Variants in WDHD1 observed in about 807,000 individuals in gnomAD.
WDHD1 encodes the protein WD repeat and HMG-box DNA binding protein 1.
WDHD1 carries 111 observed loss-of-function variants against 135.4 expected under a neutral mutation model. That is an observed-to-expected ratio of 0.82 (90% CI 0.70 to 0.96). The LOEUF (loss-of-function observed/expected upper bound fraction) is 0.96, where lower values mean the gene tolerates loss of function less well. Ranked by LOEUF, WDHD1 falls within the 40% of genes least tolerant of loss-of-function variation. The pLI is 0.00. For synonymous variants in WDHD1, 434 were observed against 439.0 expected (o/e 0.99, Z 0.14); for missense variants, 1,351 against 1,336.3 (o/e 1.01, Z -0.17).
rs71410642 is a variant in WDHD1 at position 54,972,553 on chromosome 14, C to CAAAAA, written c.2064-5164_2064-5160dup. Among the ~76,000 whole-genome samples, 17 of 25,496 alleles carry CAAAAA rather than the reference C, an allele frequency of 6.7e-4. 3 individuals are homozygous for CAAAAA. Among genetic ancestry groups the CAAAAA allele is most frequent in the East Asian group, 2.1e-3 (2 of 966 alleles). 16.7% of individuals were successfully genotyped at this position (25,496 alleles called of 152,430 possible). On this transcript the variant is annotated intron_variant, in intron 16 of 25. Transcript: ENST00000360586. ...CCTGGGCAATAAAGCAAGACTGTCACAAAAAAAAAAAAAAAAAAAAAAAAA... is the reference window on the plus strand; with the variant it reads ...CCTGGGCAATAAAGCAAGACTGTCACAAAAAAAAAAAAAAAAAAAAAAAAAAAAAA...
chr14:54,984,467 C>T (rs2041666320), intron 15 of WDHD1, among the ~76,000 whole-genome samples: 1 of 152,150 alleles, frequency 6.6e-6, no homozygotes, highest in Non-Finnish European at 1.5e-5. Context: ...TGCACTCCAG[C>T]CTGGACAACA....
chr14:54,992,553 T>A (rs1012433774), intron 11 of WDHD1, among the ~76,000 whole-genome samples: 5 of 152,180 alleles, frequency 3.3e-5, no homozygotes, highest in Admixed American at 2.0e-4. Context: ...AGCTTCTATT[T>A]GCCATTATGA....
chr14:54,946,410 T>C (rs920028624), intron 24 of WDHD1, among the ~76,000 whole-genome samples: 2 of 152,212 alleles, frequency 1.3e-5, no homozygotes, highest in South Asian at 2.1e-4. Context: ...GTTTCAATAG[T>C]GGTAATTCCT....
intron 11 of WDHD1, among the ~76,000 whole-genome samples, chr14:54,995,303 A>G (rs913909191): frequency 6.6e-6 from 1 of 152,136 alleles, no homozygotes; most frequent in Non-Finnish European, 1.5e-5. Context: ...TCAAAGAACC[A>G]GCTTTTGGTC....
At chr14:55,008,012 C>T (rs1319131017) in intron 6 of WDHD1, among the ~76,000 whole-genome samples, 1 of 152,174 alleles carries the variant, frequency 6.6e-6, no homozygotes, top group South Asian at 2.1e-4. Context: ...TAACCCAAGG[C>T]CCAACGCATG....
Position 54,941,667 on chromosome 14 carries a change from T to C in WDHD1, c.3213A>G (p.Gly1071=). 1 of 1,613,708 alleles carries C rather than the reference T, an allele frequency of 6.2e-7. No individual in the cohort carries two copies. Among genetic ancestry groups the C allele is most frequent in the Non-Finnish European group, 8.5e-7 (1 of 1,179,824 alleles). ...CTTCAGTTCCTTCACTTGCCGTTTC[T>C]CCTTTGGCTTTGTTAGCCCACACCT... ...ERKVWANKAK[G]ETASEGTEAK... The change falls in exon 26 of 26, where the codon GGA becomes GGG. Residue 1071 remains glycine, a synonymous_variant. Coordinates refer to ENST00000360586, the MANE Select transcript of WDHD1 (RefSeq NM_007086.4).
chr14:54,988,807 C>A (rs1206397806), intron 13 of WDHD1, among the ~76,000 whole-genome samples: 1 of 150,538 alleles, frequency 6.6e-6, no homozygotes, highest in Non-Finnish European at 1.5e-5. Flanking sequence ...TATGCCATGT[C>A]ATTTTGCTAT....
At chr14:55,006,895 A>T (rs1405584961) in intron 7 of WDHD1, among the ~76,000 whole-genome samples, 1 of 152,150 alleles carries the variant, frequency 6.6e-6, no homozygotes, top group Non-Finnish European at 1.5e-5. Context: ...CTATTTTTAC[A>T]CTCAAAGTTG....
chr14:55,005,202 A>G, intron 7 of WDHD1: 1 of 540,330 alleles, frequency 1.9e-6, no homozygotes, highest in Admixed American at 1.9e-5. Context: ...TTGCTGTTGC[A>G]TGGGATGGTA....
chr14:54,974,117 T>C (rs1341952830), intron 16 of WDHD1, among the ~76,000 whole-genome samples: 1 of 149,446 alleles, frequency 6.7e-6, no homozygotes, highest in African/African-American at 2.4e-5. Flanking sequence ...ATGAAAAACC[T>C]GGTTTACTAA....
At position 54,962,729 on chromosome 14, in the gene WDHD1, G is replaced by A. The variant is rs770571480; in HGVS notation, c.2647+9C>T. 49 of 1,612,644 alleles carry A rather than the reference G, an allele frequency of 3.0e-5. No homozygotes were observed. The highest frequency in any genetic ancestry group is 1.6e-4 in the Middle Eastern group (1 of 6,084). ...TCTCATGATTTATGGGCTTGAAAAT[G>A]TATCTCACCAGGCTTATGTATTTCT... On this transcript the variant is annotated intron_variant, in intron 20 of 25. Transcript: ENST00000360586.
intron 2 of WDHD1, among the ~76,000 whole-genome samples, chr14:55,022,480 T>C (rs1287557915): frequency 2.0e-5 from 3 of 152,006 alleles, no homozygotes; most frequent in Non-Finnish European, 4.4e-5. Context: ...TAAAAACCTG[T>C]TCACCAGCCT....
rs1198428658 is a variant in WDHD1 at position 54,984,715 on chromosome 14, T to A, written c.1906+8A>T. 1.9e-6 allele frequency: 3 copies of A among 1,592,822 alleles called. No individual in the cohort carries two copies. The highest frequency in any genetic ancestry group is 2.6e-6 in the Non-Finnish European group (3 of 1,174,462). On this transcript the variant is annotated splice_region_variant and intron_variant, in intron 15 of 25. Coordinates refer to ENST00000360586, the MANE Select transcript of WDHD1 (RefSeq NM_007086.4). ...TATACTTGTTTTTTTTAAACAAATT[T>A]ATCTTGCCTTCAGCTGAAAACCCAA...
At chr14:55,005,441 C>G in intron 7 of WDHD1, 2 of 570,080 alleles carry the variant, frequency 3.5e-6, no homozygotes, top group African/African-American at 1.9e-5. Flanking sequence ...GGCCTTCGGA[C>G]CAGTATTCCT....
intron 23 of WDHD1, among the ~76,000 whole-genome samples, chr14:54,956,052 C>T (rs748039498): frequency 9.9e-5 from 15 of 151,840 alleles, no homozygotes; most frequent in South Asian, 4.1e-4. Flanking sequence ...CACCTGCCAC[C>T]GCGGCTGGCC....
At position 55,000,672 on chromosome 14, in the gene WDHD1, A is replaced by G; in HGVS notation, c.801-28T>C. On this transcript the variant is annotated intron_variant, in intron 9 of 25. Coordinates refer to ENST00000360586, the MANE Select transcript of WDHD1 (RefSeq NM_007086.4). ...AAAAATTAAAAAGTAGGTTCTAAAA[A>G]TACTGTCAAGAAAAATATAAATTGT... 2.7e-6 allele frequency: 4 copies of G among 1,497,492 alleles called. 1 individual carries two copies. The South Asian group carries it at 5.9e-5, about 22-fold the overall frequency. The allele number at this position is 1,497,492 out of a possible 1,614,324, so 92.8% of individuals were successfully genotyped here.
intron 2 of WDHD1, among the ~76,000 whole-genome samples, chr14:55,016,835 G>A (rs1257470793): frequency 1.3e-5 from 2 of 152,120 alleles, no homozygotes; most frequent in Non-Finnish European, 2.9e-5. Flanking sequence ...AAGTTTTCTG[G>A]TGCAAGCATA....
At chr14:54,958,195 C>T (rs113961629) in intron 21 of WDHD1, among the ~76,000 whole-genome samples, 6 of 149,626 alleles carry the variant, frequency 4.0e-5, no homozygotes, top group African/African-American at 9.9e-5. Context: ...GGTGTGATCT[C>T]GGCTCACTGC....
chr14:54,955,484 C>T, intron 24 of WDHD1, 77 bp downstream of exon 24: 2 of 1,343,128 alleles, frequency 1.5e-6, no homozygotes, highest in South Asian at 4.5e-5. Flanking sequence ...GGAATAACAG[C>T]ATTGCATAAT....
Sources: allele counts gnomAD v4.1 joint callset (sites outside exome capture counted in the v4.1 genomes callset), GRCh38; gene constraint gnomAD v4.1.1; transcripts MANE v1.5; gene names NCBI Gene and HGNC (gene_info 2026-07-23, HGNC 2026-07-21).